The following RNF17 variants were observed in gnomAD, a reference collection of about 807,000 sequenced individuals.
RNF17 encodes the protein spermatogenesis associated 23.
RNF17 carries 31 observed loss-of-function variants against 200.5 expected under a neutral mutation model. The ratio of observed to expected loss-of-function variants is 0.15; its 90% confidence interval spans 0.12 to 0.21. The LOEUF (loss-of-function observed/expected upper bound fraction) is 0.21, where lower values mean the gene tolerates loss of function less well. RNF17 is among the 10% of genes least tolerant of loss of function. RNF17 has a pLI of 1.00. For missense variants in RNF17, 1,628 were observed against 1,905.1 expected, an observed-to-expected ratio of 0.85 and a Z score of 2.71; for synonymous variants, 606 against 637.8, an observed-to-expected ratio of 0.95 and a Z score of 0.75.
At chr13:24,808,320 C>A (rs1377040194) in intron 15 of RNF17, among the ~76,000 whole-genome samples, 1 of 151,934 alleles carries the variant, frequency 6.6e-6, no homozygotes. Flanking sequence ...CTTTTATTTC[C>A]TTGAGCAGTG....
At chr13:24,753,409 T>C in the RNF17 span, among the ~76,000 whole-genome samples, 1 of 152,172 alleles carries the variant, frequency 6.6e-6, no homozygotes, top group African/African-American at 2.4e-5. Context: ...GACACTTCAG[T>C]GCTGAATAGT....
chr13:24,880,890 TAAG>T (rs1367191877), downstream of RNF17, among the ~76,000 whole-genome samples: 3 of 152,228 alleles, frequency 2.0e-5, no homozygotes, highest in Non-Finnish European at 2.9e-5. Context: ...GTGATATTAG[TAAG>T]AAAAGGTATC....
At chr13:24,835,290 C>T (rs1889857804) in intron 18 of RNF17, among the ~76,000 whole-genome samples, 1 of 152,120 alleles carries the variant, frequency 6.6e-6, no homozygotes, top group Non-Finnish European at 1.5e-5. Context: ...TCTACGGCCC[C>T]GCCCATCGCC....
At chr13:24,782,744 G>A (rs1882589093) in intron 6 of RNF17, among the ~76,000 whole-genome samples, 1 of 152,126 alleles carries the variant, frequency 6.6e-6, no homozygotes, top group African/African-American at 2.4e-5. Context: ...GCTGAGGTGG[G>A]AGGATTGCTT....
At chr13:24,762,202 A>T (rs1878807236), upstream of RNF17, among the ~76,000 whole-genome samples, 2 of 151,954 alleles carry the variant, frequency 1.3e-5, no homozygotes, top group African/African-American at 4.8e-5. Flanking sequence ...AAACCCAGTC[A>T]ATACTAAAAT....
At chr13:24,795,909 A>T (rs983895666) in intron 10 of RNF17, among the ~76,000 whole-genome samples, 2 of 152,214 alleles carry the variant, frequency 1.3e-5, no homozygotes, top group Non-Finnish European at 2.9e-5. Flanking sequence ...TTTTGCAAGT[A>T]TTATGAAGTA....
At chr13:24,845,775 C>T (rs1457594064) in intron 22 of RNF17, among the ~76,000 whole-genome samples, 2 of 152,180 alleles carry the variant, frequency 1.3e-5, no homozygotes, top group East Asian at 3.8e-4. Context: ...GTAAATGTGC[C>T]AAACTCCCAC....
At chr13:24,784,611 A>G (rs370426165) in intron 6 of RNF17, among the ~76,000 whole-genome samples, 1 of 152,086 alleles carries the variant, frequency 6.6e-6, no homozygotes. Flanking sequence ...CTAGTTATAT[A>G]ATTTGTGTAC....
chr13:24,887,981 A>G, the RNF17 span, among the ~76,000 whole-genome samples: 1 of 152,220 alleles, frequency 6.6e-6, no homozygotes, highest in African/African-American at 2.4e-5. Flanking sequence ...GGCTCCACAG[A>G]GGGCAGTTCC....
At chr13:24,804,545 C>CAACGTGGTGGTATAGCAAA in intron 15 of RNF17, 116 bp downstream of exon 15, 1 of 682,196 alleles carries the variant, frequency 1.5e-6, no homozygotes, top group Non-Finnish European at 2.3e-6. Context: ...CCACTGTTAA[C>CAACGTGGTGGTATAGCAAA]CTTCTATACG....
chr13:24,844,544 G>C, intron 20 of RNF17, 108 bp from the exon 21 acceptor site: 1 of 837,642 alleles, frequency 1.2e-6, no homozygotes, highest in Non-Finnish European at 1.9e-6. Flanking sequence ...AGAACAAGGT[G>C]CCCAGCTTGG....
chr13:24,815,211 T>C (rs1228355408), intron 15 of RNF17, among the ~76,000 whole-genome samples: 1 of 152,242 alleles, frequency 6.6e-6, no homozygotes, highest in African/African-American at 2.4e-5. Context: ...TCTTATTTAA[T>C]ATCTTTCAAC....
chr13:24,862,963 G>A (rs909854118), intron 28 of RNF17, among the ~76,000 whole-genome samples, 170 bp downstream of exon 28: 5 of 152,192 alleles, frequency 3.3e-5, no homozygotes, highest in Non-Finnish European at 7.3e-5. Flanking sequence ...CTTTAAATAA[G>A]CCTGCTTTTG....
chr13:24,824,906 A>G (rs1888455858), intron 15 of RNF17, among the ~76,000 whole-genome samples: 1 of 152,190 alleles, frequency 6.6e-6, no homozygotes, highest in African/African-American at 2.4e-5. Context: ...CAACTTGAGT[A>G]TGAAAAAGCC....
At chr13:24,809,895 T>C (rs1185816275) in intron 15 of RNF17, among the ~76,000 whole-genome samples, 3 of 152,150 alleles carry the variant, frequency 2.0e-5, no homozygotes, top group African/African-American at 7.2e-5. Context: ...CATTTCGTTA[T>C]GTACCCAGTA....
intron 9 of RNF17, among the ~76,000 whole-genome samples, chr13:24,790,503 G>A (rs187368541): frequency 5.9e-5 from 9 of 152,226 alleles, no homozygotes; most frequent in Non-Finnish European, 1.5e-5. Flanking sequence ...CAGTTCCTCA[G>A]TTCCATTAGC....
intron 24 of RNF17, among the ~76,000 whole-genome samples, chr13:24,853,494 T>A (rs907752044): frequency 6.6e-6 from 1 of 152,178 alleles, no homozygotes; most frequent in South Asian, 2.1e-4. Flanking sequence ...TTTTGGATGC[T>A]AATAGCTTGC....
At chr13:24,852,154 T>TC (rs1891973874) in intron 24 of RNF17, among the ~76,000 whole-genome samples, 1 of 121,386 alleles carries the variant, frequency 8.2e-6, no homozygotes, top group East Asian at 2.3e-4. Context: ...TTTTTTTTTT[T>TC]CTGAGACGGA....
chr13:24,814,912 T>C (rs1173824733), intron 15 of RNF17, among the ~76,000 whole-genome samples: 1 of 152,258 alleles, frequency 6.6e-6, no homozygotes, highest in Admixed American at 6.5e-5. Context: ...GAGTATGATA[T>C]TATCATTTGC....
Sources: gnomAD v4.1 joint callset for allele counts (sites outside exome capture counted in the v4.1 genomes callset) on GRCh38, gnomAD v4.1.1 for gene constraint, MANE v1.5 for transcripts, NCBI Gene and HGNC (gene_info 2026-07-23, HGNC 2026-07-21) for gene names.